Variants in SV2B observed in about 807,000 individuals in gnomAD.
SV2B encodes synaptic vesicle glycoprotein 2B, also known as solute carrier family 22 member B2.
Under a neutral mutation model 73.9 loss-of-function variants are expected in SV2B, and 41 were observed. The ratio of observed to expected loss-of-function variants is 0.56; its 90% CI spans 0.43 to 0.72. The LOEUF (loss-of-function observed/expected upper bound fraction) is 0.72, where lower values mean the gene tolerates loss of function less well. Among genes scored for constraint, SV2B ranks in the 30% least tolerant of loss-of-function variants. SV2B has a pLI of 0.00. For missense variants in SV2B, 764 were observed against 857.8 expected (o/e 0.89, Z 1.37); for synonymous variants, 314 against 314.2 (o/e 1.00, Z 0.01).
At chr15:91,190,559 TG>T (rs2044971210) in intron 1 of SV2B, among the ~76,000 whole-genome samples, 1 of 152,226 alleles carries the variant, frequency 6.6e-6, no homozygotes, top group African/African-American at 2.4e-5. Flanking sequence ...TATTTCATTC[TG>T]TTCTAAGTAT....
At chr15:91,287,529 G>C (rs1190898155) in intron 11 of SV2B, among the ~76,000 whole-genome samples, 1 of 152,222 alleles carries the variant, frequency 6.6e-6, no homozygotes, top group Non-Finnish European at 1.5e-5. Flanking sequence ...CCTCCGGGCT[G>C]AACTTACTGG....
At chr15:91,195,666 G>A (rs1213686794) in intron 1 of SV2B, among the ~76,000 whole-genome samples, 1 of 152,204 alleles carries the variant, frequency 6.6e-6, no homozygotes, top group African/African-American at 2.4e-5. Flanking sequence ...GGGTTAAGCA[G>A]CTGAGCCATT....
intron 1 of SV2B, among the ~76,000 whole-genome samples, chr15:91,150,835 C>G (rs1021858572): frequency 2.6e-5 from 4 of 152,182 alleles, no homozygotes; most frequent in African/African-American, 4.8e-5. Context: ...AGAGAGCAGG[C>G]AGATGCTTGT....
At chr15:91,203,129 C>T (rs905560605) in intron 1 of SV2B, among the ~76,000 whole-genome samples, 1 of 152,202 alleles carries the variant, frequency 6.6e-6, no homozygotes, top group African/African-American at 2.4e-5. Context: ...CCATTGAATA[C>T]AGAACAAATG....
At chr15:91,175,112 A>G (rs2044255547) in intron 1 of SV2B, among the ~76,000 whole-genome samples, 1 of 152,238 alleles carries the variant, frequency 6.6e-6, no homozygotes, top group Non-Finnish European at 1.5e-5. Flanking sequence ...TAACTTTCCA[A>G]CAAAGTGTTT....
rs188160565 is a variant in SV2B at position 91,196,992 on chromosome 15, A to G, written c.-391-28881A>G. 9.8e-4 allele frequency among the ~76,000 whole-genome samples: 150 copies of G among 152,292 alleles called. 1 individual carries two copies. The highest frequency in any genetic ancestry group is 3.5e-3 in the African/African-American group (146 of 41,576). ...ACAGCACTGCTGCAGGGGGAAGTTT[A>G]TACCCACTTCCAGGGCCACGGGGAT... On this transcript the variant is annotated intron_variant, in intron 1 of 12. Transcript: ENST00000394232.
chr15:91,252,515 A>G lies in SV2B; in HGVS notation c.779A>G (p.His260Arg), dbSNP rs2047528529. The G allele has an allele frequency of 6.2e-7, 1 of 1,606,254 alleles. No homozygotes were observed. Among genetic ancestry groups the G allele is most frequent in the Non-Finnish European group, 8.5e-7 (1 of 1,176,014 alleles). ...GCCATGGCCTGGAGCATCATCCCACACTATGGTGAGTCATGGCTCCAAACA... is the reference window on the plus strand; with the variant it reads ...GCCATGGCCTGGAGCATCATCCCACGCTATGGTGAGTCATGGCTCCAAACA... Reference protein sequence around the residue: ...ASAMAWSIIPHYGWGFSMGTN... With the variant: ...ASAMAWSIIPRYGWGFSMGTN... Residue 260 changes from histidine to arginine, a missense_variant, in exon 4 of 13, where the codon CAC (histidine) becomes CGC (arginine). Coordinates refer to ENST00000394232, the MANE Select transcript of SV2B (RefSeq NM_001323032.3). This position sits in a 1 kb window ranked among gnomAD's most constrained non-coding sequence, Gnocchi z 4.6.
rs1318636192 is a variant in SV2B, at chr15:91,280,801, A to G, written c.1374-927A>G. ...TTGGCATAAAGTGAAAATTAAGTGT[A>G]TTATTCCTCACTTCCATTGTGCCTC... is the stretch of plus-strand genomic sequence containing the variant. On this transcript the variant is annotated intron_variant, in intron 9 of 12. Coordinates refer to ENST00000394232, the MANE Select transcript of SV2B (RefSeq NM_001323032.3). This position sits in a 1 kb window ranked among gnomAD's most constrained non-coding sequence, Gnocchi z 5.8. Among the ~76,000 whole-genome samples, 2 of 152,212 alleles carry G rather than the reference A, an allele frequency of 1.3e-5. No individual in the cohort carries two copies. The highest frequency in any genetic ancestry group is 6.5e-5 in the Admixed American group (1 of 15,282).
Position 91,289,579 on chromosome 15 carries a change from G to A in SV2B, c.1767G>A (p.Glu589=), listed in dbSNP as rs899496307. The A allele has an allele frequency of 1.9e-6, 3 of 1,614,114 alleles. No homozygotes were observed. The highest frequency in any genetic ancestry group is 2.5e-6 in the Non-Finnish European group (3 of 1,180,042). ...CCFFLFFGNS[E]SAMIGWQCLF... ...TCTTCCTGTTTTTTGGCAACAGTGA[G>A]TCTGCAATGATCGGCTGGCAGTGCC... is the stretch of plus-strand genomic sequence containing the variant. The change falls in exon 12 of 13, where the codon GAG becomes GAA. Residue 589 remains glutamate, a synonymous_variant. Transcript: ENST00000394232. The surrounding 1 kb of genome is among the most constrained non-coding windows in gnomAD (Gnocchi z 4.9).
At chr15:91,171,315 A>G (rs749477964) in intron 1 of SV2B, among the ~76,000 whole-genome samples, 2 of 152,238 alleles carry the variant, frequency 1.3e-5, no homozygotes, top group Non-Finnish European at 2.9e-5. Context: ...AGTTAAGATT[A>G]TTAAATCAGT....
intron 1 of SV2B, among the ~76,000 whole-genome samples, chr15:91,175,554 C>T (rs1199115258): frequency 2.6e-5 from 4 of 151,970 alleles, no homozygotes; most frequent in Admixed American, 1.3e-4. Context: ...GCACCCAGCC[C>T]GAGAAGACTT....
intron 1 of SV2B, among the ~76,000 whole-genome samples, chr15:91,165,727 C>A (rs2043890920): frequency 6.6e-6 from 1 of 152,142 alleles, no homozygotes; most frequent in Non-Finnish European, 1.5e-5. Context: ...CTGCTTATAG[C>A]CCAAGTCACA....
chr15:91,250,326 A>G (rs928586395), intron 2 of SV2B, among the ~76,000 whole-genome samples: 2 of 152,230 alleles, frequency 1.3e-5, no homozygotes, highest in African/African-American at 2.4e-5. Flanking sequence ...CTTTCGTGAT[A>G]AAAATTCTCA....
chr15:91,286,422 C>A (rs969517500), intron 11 of SV2B, among the ~76,000 whole-genome samples: 1 of 152,204 alleles, frequency 6.6e-6, no homozygotes, highest in South Asian at 2.1e-4. Flanking sequence ...AGGCTGCTAC[C>A]CACTCATTTA....
At chr15:91,275,432 G>C (rs1567423138) in intron 9 of SV2B, among the ~76,000 whole-genome samples, 4 of 152,082 alleles carry the variant, frequency 2.6e-5, no homozygotes, top group African/African-American at 9.7e-5. Flanking sequence ...TTATGTGATT[G>C]TTGTCATACA....
intron 1 of SV2B, among the ~76,000 whole-genome samples, chr15:91,191,067 T>C (rs867154471): frequency 3.0e-4 from 35 of 117,474 alleles, no homozygotes; most frequent in African/African-American, 8.4e-4. Context: ...GTGTTTCTTT[T>C]TTTTTTTTTT....
chr15:91,263,357 CACAGACACATTAAG>C (rs1206344464), intron 6 of SV2B, among the ~76,000 whole-genome samples: 2 of 151,734 alleles, frequency 1.3e-5, no homozygotes, highest in African/African-American at 4.8e-5. Context: ...AAGACAGACA[CACAGACACATTAAG>C]ACAGACACAG....
At chr15:91,210,580 C>G (rs1318157475) in intron 1 of SV2B, among the ~76,000 whole-genome samples, 1 of 152,090 alleles carries the variant, frequency 6.6e-6, no homozygotes, top group Admixed American at 6.5e-5. Flanking sequence ...GATCCTGGAT[C>G]CTCCTTGATA....
rs1188642582 is a variant in SV2B at position 91,231,357 on chromosome 15, T to C, written c.451+4643T>C. Among the ~76,000 whole-genome samples, 2 of 152,162 alleles carry C rather than the reference T, an allele frequency of 1.3e-5. No individual in the cohort carries two copies. Among genetic ancestry groups the C allele is most frequent in the African/African-American group, 4.8e-5 (2 of 41,426 alleles). ...GGTGATCACTCTGCCCCAGTGATTT[T>C]GGTACTGAGAGTGCTTCTAGAGGAG... On this transcript the variant is annotated intron_variant, in intron 2 of 12. Coordinates refer to ENST00000394232, the MANE Select transcript of SV2B (RefSeq NM_001323032.3). The surrounding 1 kb of genome is among the most constrained non-coding windows in gnomAD (Gnocchi z 4.5).
Sources: allele counts gnomAD v4.1 joint callset (sites outside exome capture counted in the v4.1 genomes callset), GRCh38; gene constraint gnomAD v4.1.1; non-coding constraint Gnocchi (gnomAD v3.1); transcripts MANE v1.5; gene names NCBI Gene and HGNC (gene_info 2026-07-23, HGNC 2026-07-21).